The following ABCF3 variants were observed in gnomAD, a reference collection of about 807,000 sequenced individuals.
ABCF3 encodes ATP binding cassette subfamily F member 3.
Under a neutral mutation model 94.3 loss-of-function variants are expected in ABCF3, and 62 were observed. The observed-to-expected ratio is 0.66, with a 90% confidence interval of 0.54 to 0.81. The LOEUF (loss-of-function observed/expected upper bound fraction) is 0.81. ABCF3 is among the 40% of genes least tolerant of loss of function. The pLI, the probability that ABCF3 is intolerant of heterozygous loss-of-function variation, is 0.00. For synonymous variants in ABCF3, 355 were observed against 361.1 expected, an observed-to-expected ratio of 0.98 and a Z score of 0.19; for missense variants, 843 against 925.3, an observed-to-expected ratio of 0.91 and a Z score of 1.15.
At chr3:184,188,498 C>G in intron 7 of ABCF3, 91 bp downstream of exon 7, 5 of 1,496,976 alleles carry the variant, frequency 3.3e-6, no homozygotes, top group Non-Finnish European at 4.5e-6. Flanking sequence ...GCATGTACAT[C>G]CTAGTAATCA....
At position 184,189,547 on chromosome 3, in the gene ABCF3, G is replaced by C. The variant is rs1373348910; in HGVS notation, c.1114-10G>C. The stretch of plus-strand genomic sequence containing the variant: ...TCCCAAACCGGGCCTGCTGTCCTGT[G>C]ACCCCTCAGACGTGGCCCTCCACCA... On this transcript the variant is annotated splice_polypyrimidine_tract_variant and intron_variant, in intron 12 of 20. Transcript: ENST00000429586. 6.2e-7 allele frequency: 1 copy of C among 1,613,958 alleles called. No homozygotes were observed. The highest frequency in any genetic ancestry group is 8.5e-7 in the Non-Finnish European group (1 of 1,180,018).
Position 184,193,789 on chromosome 3 carries a change from C to A in ABCF3, c.*91C>A. ...GGCCACCACTCCAGGCCGTGGACTT[C>A]CCCCAACTTGGGGACAGCCTTATTC... On this transcript the variant is annotated 3_prime_UTR_variant, in exon 21 of 21. Transcript: ENST00000429586. The surrounding 1 kb of genome is among the most constrained non-coding windows in gnomAD (Gnocchi z 5.2). 7.1e-7 allele frequency: 1 copy of A among 1,402,936 alleles called. No individual in the cohort carries two copies. The highest frequency in any genetic ancestry group is 9.5e-7 in the Non-Finnish European group (1 of 1,051,850). 86.9% of individuals were successfully genotyped at this position (1,402,936 alleles called of 1,614,324 possible). A position where few individuals can be genotyped will look rare whatever the true frequency, so the allele number is the denominator to read the frequency against.
At position 184,193,830 on chromosome 3, in the gene ABCF3, C is replaced by G; in HGVS notation, c.*132C>G. The G allele has an allele frequency of 8.6e-7, 1 of 1,157,114 alleles. No individual in the cohort carries two copies. Among genetic ancestry groups the G allele is most frequent in the Non-Finnish European group, 1.2e-6 (1 of 839,530 alleles). 71.7% of individuals were successfully genotyped at this position (1,157,114 alleles called of 1,614,324 possible). A position where few individuals can be genotyped will look rare whatever the true frequency, so the allele number is the denominator to read the frequency against. On this transcript the variant is annotated 3_prime_UTR_variant, in exon 21 of 21. Transcript: ENST00000429586. This position sits in a 1 kb window ranked among gnomAD's most constrained non-coding sequence, Gnocchi z 5.2. ...AGCCTTATTCCCAAATGTCTCTATCCTTTTGACTGGAGCATCTTCTGCACA... is the reference window on the plus strand; with the variant it reads ...AGCCTTATTCCCAAATGTCTCTATCGTTTTGACTGGAGCATCTTCTGCACA...
chr3:184,188,973 A>G lies in ABCF3; in HGVS notation c.962A>G (p.Gln321Arg), dbSNP rs781709530. The G allele has an allele frequency of 1.9e-6, 3 of 1,614,102 alleles. No individual in the cohort carries two copies. The highest frequency in any genetic ancestry group is 2.5e-6 in the Non-Finnish European group (3 of 1,180,052). Residue 321 changes from glutamine (Q) to arginine (R), a missense_variant, in exon 9 of 21, where the codon CAG (glutamine) becomes CGG (arginine). Coordinates refer to ENST00000429586, the MANE Select transcript of ABCF3 (RefSeq NM_018358.3). Reference protein sequence around the residue: ...LAGLGFTPKMQQQPTREFSGG... With the variant: ...LAGLGFTPKMRQQPTREFSGG... ...GGGCTTGGCTTTACCCCTAAAATGC[A>G]GCAGCAGCCCACCCGGTGAGTGACC...
chr3:184,188,495 C>A, intron 7 of ABCF3, 88 bp downstream of exon 7: 1 of 1,505,094 alleles, frequency 6.6e-7, no homozygotes, highest in Non-Finnish European at 8.9e-7. Context: ...TTTGCATGTA[C>A]ATCCTAGTAA....
At position 184,188,031 on chromosome 3, in the gene ABCF3, G is replaced by A. The variant is rs1305550810; in HGVS notation, c.569+48G>A. ...GGTTGGCTTTCTTTTTCTAATTAGA[G>A]GACAATTTGGAGAGGTGAAACGGGG... On this transcript the variant is annotated intron_variant, in intron 6 of 20. Coordinates refer to ENST00000429586, the MANE Select transcript of ABCF3 (RefSeq NM_018358.3). 1.2e-6 allele frequency: 2 copies of A among 1,613,206 alleles called. No individual in the cohort carries two copies. The highest frequency in any genetic ancestry group is 1.3e-5 in the African/African-American group (1 of 74,838).
Position 184,189,495 on chromosome 3 carries a change from A to C in ABCF3, c.1113+52A>C, listed in dbSNP as rs763415144. 62 of 1,613,524 alleles carry C rather than the reference A, an allele frequency of 3.8e-5. 1 individual carries two copies. In the East Asian group the frequency reaches 1.3e-3, roughly 35 times the overall value. ...GTTGGGGAAAGGCGGCCTCCAAGAT[A>C]CCTGGGGGCCTGAGAACTGACTGCC... On this transcript the variant is annotated intron_variant, in intron 12 of 20. Transcript: ENST00000429586.
intron 16 of ABCF3, 68 bp from the exon 17 acceptor site, chr3:184,192,533 A>G (rs1716092369): frequency 2.1e-6 from 3 of 1,430,052 alleles, no homozygotes; most frequent in African/African-American, 1.4e-5. Flanking sequence ...TAGTGCCCAC[A>G]TATGAATGAG....
intron 3 of ABCF3, chr3:184,187,121 AC>A: frequency 1.6e-6 from 1 of 633,740 alleles, no homozygotes; most frequent in South Asian, 2.0e-5. Flanking sequence ...ACTTGCTTTC[AC>A]CCCCAGTTTT....
intron 2 of ABCF3, 43 bp downstream of exon 2, chr3:184,186,697 C>A: frequency 6.3e-7 from 1 of 1,589,488 alleles, no homozygotes; most frequent in South Asian, 1.1e-5. Context: ...GAAGGGACGG[C>A]GAACGGTCCG....
In ABCF3 at chr3:184,188,315, T is replaced by A. The variant is rs767329207; in HGVS notation, c.744T>A (p.Thr248=). ...AGCAAGAGGTTGCTGGAGATGACAC[T>A]CCTGCCCTGCAGAGTGTGCTGGAGA... is the stretch of plus-strand genomic sequence containing the variant. ...HVEQEVAGDD[T]PALQSVLESD... The change falls in exon 7 of 21, where the codon ACT becomes ACA. Residue 248 remains threonine (T), a synonymous_variant. Coordinates refer to ENST00000429586, the MANE Select transcript of ABCF3 (RefSeq NM_018358.3). The A allele has an allele frequency of 1.2e-6, 2 of 1,614,094 alleles. No homozygotes were observed. Among genetic ancestry groups the A allele is most frequent in the South Asian group, 2.2e-5 (2 of 91,084 alleles).
In ABCF3 at chr3:184,186,769, CTG is replaced by C. The variant is rs1349896689; in HGVS notation, c.222-26_222-25del. On this transcript the variant is annotated intron_variant, in intron 2 of 20. Transcript: ENST00000429586. Reference sequence around the variant, plus strand: ...AGAGCTTTTCCCTCAACTCCTAACTCTGCGCTTTCTATCCCTACCCACATAGG... The same window carrying C: ...AGAGCTTTTCCCTCAACTCCTAACTCCGCTTTCTATCCCTACCCACATAGG... 2.5e-6 allele frequency: 4 copies of C among 1,608,628 alleles called. No homozygotes were observed. In the African/African-American group the frequency reaches 5.4e-5, roughly 22 times the overall value.
chr3:184,188,192 G>A lies in ABCF3; in HGVS notation c.621G>A (p.Gly207=). The change falls in exon 7 of 21, where the codon GGG becomes GGA. Residue 207 remains glycine (G), a synonymous_variant. Coordinates refer to ENST00000429586, the MANE Select transcript of ABCF3 (RefSeq NM_018358.3). ...ACCTGGCATGGGGCCGCCGTTACGG[G>A]CTGGTGGGGCGGAATGGGTTGGGGA... ...DVNLAWGRRY[G]LVGRNGLGKT... is the part of the protein sequence containing the mutation. The A allele has an allele frequency of 6.2e-7, 1 of 1,614,090 alleles. No homozygotes were observed. Among genetic ancestry groups the A allele is most frequent in the Non-Finnish European group, 8.5e-7 (1 of 1,180,054 alleles).
Position 184,189,869 on chromosome 3 carries a change from G to A in ABCF3, c.1329G>A (p.Arg443=). The change falls in exon 14 of 21, where the codon CGG becomes CGA. Residue 443 remains arginine (R), a synonymous_variant. Coordinates refer to ENST00000429586, the MANE Select transcript of ABCF3 (RefSeq NM_018358.3). Reference sequence around the variant, plus strand: ...TCCACCTGCAGGTTTTCATTGACCGGTTTCGCTACAATGCCAACAGGGCCT... The same window carrying A: ...TCCACCTGCAGGTTTTCATTGACCGATTTCGCTACAATGCCAACAGGGCCT... The part of the protein sequence containing the change: ...YRQHIQVFID[R]FRYNANRASQ... The A allele has an allele frequency of 1.2e-6, 2 of 1,614,212 alleles. No homozygotes were observed. Among genetic ancestry groups the A allele is most frequent in the South Asian group, 2.2e-5 (2 of 91,086 alleles).
chr3:184,190,217 C>A (rs1577068244), intron 14 of ABCF3: 2 of 483,434 alleles, frequency 4.1e-6, no homozygotes, highest in East Asian at 3.8e-5. Flanking sequence ...TGCCTGGTGT[C>A]TTTTACCTGG....
At position 184,189,404 on chromosome 3, in the gene ABCF3, G is replaced by A; in HGVS notation, c.1074G>A (p.Leu358=). The change falls in exon 12 of 21, where the codon CTG becomes CTA. Residue 358 remains leucine (L), a synonymous_variant. Coordinates refer to ENST00000429586, the MANE Select transcript of ABCF3 (RefSeq NM_018358.3). ...CTTCTCCAGAACCTACAAACATGCT[G>A]GATGTCAGGGCCATCCTGTGGCTGG... is the stretch of plus-strand genomic sequence containing the variant. ...LLLLDEPTNM[L]DVRAILWLEN... The A allele has an allele frequency of 6.2e-7, 1 of 1,614,102 alleles. No homozygotes were observed. The highest frequency in any genetic ancestry group is 8.5e-7 in the Non-Finnish European group (1 of 1,180,032).
chr3:184,188,021 T>C, intron 6 of ABCF3, 38 bp downstream of exon 6: 2 of 1,613,592 alleles, frequency 1.2e-6, no homozygotes, highest in South Asian at 2.2e-5. Flanking sequence ...GCTTTCTTTT[T>C]CTAATTAGAG....
chr3:184,191,083 C>T (rs1715991089), intron 15 of ABCF3, 40 bp downstream of exon 15: 1 of 1,614,204 alleles, frequency 6.2e-7, no homozygotes, highest in Admixed American at 1.7e-5. Context: ...GAATTGCTTG[C>T]TTCCAGCTGC....
Position 184,192,668 on chromosome 3 carries a change from G to A in ABCF3, c.1637G>A (p.Arg546Gln), listed in dbSNP as rs1364649462. Residue 546 changes from arginine to glutamine, a missense_variant, in exon 17 of 21, where the codon CGG becomes CAG. Coordinates refer to ENST00000429586, the MANE Select transcript of ABCF3 (RefSeq NM_018358.3). ...KLLLGDLAPV[R>Q]GIRHAHRNLK... ...CTTTTGGGGGACCTGGCACCTGTTC[G>A]GGGCATCAGACACGCTCACAGGTCA... 5.0e-6 allele frequency: 8 copies of A among 1,610,796 alleles called. No homozygotes were observed. The East Asian group carries it at 6.7e-5, about 13-fold the overall frequency.
Sources: gnomAD v4.1 joint callset for allele counts on GRCh38, gnomAD v4.1.1 for gene constraint, Gnocchi (gnomAD v3.1) non-coding constraint, MANE v1.5 for transcripts, NCBI Gene and HGNC (gene_info 2026-07-23, HGNC 2026-07-21) for gene names.